PLEKHA5: variants seen among roughly 807,000 people sequenced by gnomAD.
PLEKHA5 encodes the protein pleckstrin homology domain containing A5.
PLEKHA5 carries 55 observed loss-of-function variants against 181.9 expected under a neutral mutation model. The observed-to-expected ratio is 0.30, with a 90% confidence interval of 0.24 to 0.38. PLEKHA5 has a LOEUF of 0.38. PLEKHA5 is among the 10% of genes least tolerant of loss of function. The probability of loss-of-function intolerance (pLI) is 1.00; values close to 1 mark genes in which losing one functional copy is unlikely to be tolerated. For synonymous variants in PLEKHA5, 535 were observed against 529.4 expected, an observed-to-expected ratio of 1.01 and a Z score of -0.15; for missense variants, 1,432 against 1,549.5, an observed-to-expected ratio of 0.92 and a Z score of 1.27.
rs7314693 is a variant in PLEKHA5, at chr12:19,277,541, C to G, written c.1313+2558C>G. On this transcript the variant is annotated intron_variant, in intron 11 of 31. Transcript: ENST00000429027. ...GGTTCCTCCTACATTTTTGGGTTAA[C>G]TGTTATGCCAGTTTTTATAAATACT... Among the ~76,000 whole-genome samples the G allele has an allele frequency of 2.6e-3, 403 of 152,194 alleles. 2 individuals are homozygous for G. Among genetic ancestry groups the G allele is most frequent in the African/African-American group, 9.4e-3 (389 of 41,548 alleles).
chr12:19,369,686 GT>G lies in PLEKHA5; in HGVS notation c.3755-3del. 6.3e-7 allele frequency: 1 copy of G among 1,580,508 alleles called. No individual in the cohort carries two copies. The highest frequency in any genetic ancestry group is 1.1e-5 in the South Asian group (1 of 88,062). On this transcript the variant is annotated splice_region_variant and splice_polypyrimidine_tract_variant and intron_variant, in intron 30 of 31. Transcript: ENST00000429027. ...TTATCTTCTCCCATTTTCTTTGTGT[GT>G]TTTAGTGAAAAGTCTGTCCCCATCT...
intron 3 of PLEKHA5, among the ~76,000 whole-genome samples, chr12:19,227,805 G>A (rs1492128): frequency 0.01 from 1,578 of 152,298 alleles, 29 homozygotes; most frequent in African/African-American, 0.035. Context: ...AGCAGTTGTT[G>A]AAGGTTAACC....
chr12:19,168,716 A>G (rs2045173193), intron 3 of PLEKHA5, among the ~76,000 whole-genome samples: 1 of 152,124 alleles, frequency 6.6e-6, no homozygotes, highest in Non-Finnish European at 1.5e-5. Flanking sequence ...GGGCTCTTCA[A>G]ATGAGTGTAA....
chr12:19,229,825 T>G (rs2060216965), intron 3 of PLEKHA5, among the ~76,000 whole-genome samples: 2 of 152,174 alleles, frequency 1.3e-5, no homozygotes, highest in African/African-American at 4.8e-5. Context: ...TTGGTCCGTT[T>G]TGACAGGGTG....
At chr12:19,367,651 C>G (rs1457343086) in intron 30 of PLEKHA5, among the ~76,000 whole-genome samples, 1 of 151,952 alleles carries the variant, frequency 6.6e-6, no homozygotes, top group Non-Finnish European at 1.5e-5. Flanking sequence ...GCGATCTCCA[C>G]TCACTGCAAG....
chr12:19,321,535 T>TTG (rs2090839266), intron 18 of PLEKHA5: 2 of 71,218 alleles, frequency 2.8e-5, no homozygotes, highest in Admixed American at 1.4e-4. Flanking sequence ...AGCTAACTTT[T>TTG]TGTATTTTTT....
At chr12:19,360,085 A>G (rs1422637057) in intron 28 of PLEKHA5, among the ~76,000 whole-genome samples, 3 of 152,118 alleles carry the variant, frequency 2.0e-5, no homozygotes, top group African/African-American at 4.8e-5. Flanking sequence ...TAATCCCAGC[A>G]CTTTGAGAAG....
At position 19,356,662 on chromosome 12, in the gene PLEKHA5, CTTTTTT is replaced by C. The variant is rs57809332; in HGVS notation, c.3139-1549_3139-1544del. Among the ~76,000 whole-genome samples the C allele has an allele frequency of 2.3e-4, 23 of 99,840 alleles. No homozygotes were observed. In the East Asian group the frequency reaches 6.5e-3, roughly 28 times the overall value. 65.5% of individuals were successfully genotyped at this position (99,840 alleles called of 152,430 possible). A position where few individuals can be genotyped will look rare whatever the true frequency, so the allele number is the denominator to read the frequency against. The stretch of plus-strand genomic sequence containing the variant: ...GGTGGAAGAAGAGGAAGTTGTTTTT[CTTTTTT>C]TTTTTTTTTTTTTTTTGAGACAGAG... On this transcript the variant is annotated intron_variant, in intron 26 of 31. Coordinates refer to ENST00000429027, the MANE Select transcript of PLEKHA5 (RefSeq NM_001256470.2).
intron 3 of PLEKHA5, among the ~76,000 whole-genome samples, chr12:19,160,156 T>C (rs1414755451): frequency 2.6e-5 from 4 of 152,122 alleles, no homozygotes; most frequent in Non-Finnish European, 5.9e-5. Context: ...TATGTTTTAG[T>C]TTTTTCTTTT....
chr12:19,160,694 A>G (rs553039245), intron 3 of PLEKHA5, among the ~76,000 whole-genome samples: 5 of 152,134 alleles, frequency 3.3e-5, no homozygotes, highest in African/African-American at 1.2e-4. Context: ...TAGAAAAGCT[A>G]TATGTATTGA....
At chr12:19,274,433 TATA>T (rs1250919837) in intron 10 of PLEKHA5, 80 bp from the exon 11 acceptor site, 3 of 949,758 alleles carry the variant, frequency 3.2e-6, no homozygotes, top group Admixed American at 2.7e-5. Context: ...CCCCGTAAAG[TATA>T]ATTTTTCCTA....
intron 30 of PLEKHA5, among the ~76,000 whole-genome samples, chr12:19,367,258 C>CTTTTTTTTTTTTTTTTTTTTTTTT (rs376634416): frequency 1.4e-5 from 1 of 72,004 alleles, no homozygotes; most frequent in Non-Finnish European, 2.5e-5. Flanking sequence ...TTTGCTTCTT[C>CTTTTTTTTTTTTTTTTTTTTTTTT]TTTTTTTTTT....
intron 15 of PLEKHA5, among the ~76,000 whole-genome samples, chr12:19,298,154 G>T (rs983850751): frequency 6.6e-6 from 1 of 151,942 alleles, no homozygotes; most frequent in African/African-American, 2.4e-5. Flanking sequence ...AACCGAGATC[G>T]CACCACTGCA....
At chr12:19,360,489 C>G (rs1398678434) in intron 28 of PLEKHA5, among the ~76,000 whole-genome samples, 2 of 151,408 alleles carry the variant, frequency 1.3e-5, no homozygotes, top group Non-Finnish European at 2.9e-5. Context: ...TGCCTGTAAT[C>G]ACTACTTGGG....
rs543323965 is a variant in PLEKHA5 at position 19,270,007 on chromosome 12, C to G, written c.827+122C>G. 4.6e-6 allele frequency: 3 copies of G among 654,582 alleles called. No homozygotes were observed. The East Asian group carries it at 8.5e-5, about 19-fold the overall frequency. The allele number at this position is 654,582 out of a possible 1,614,324, so 40.5% of individuals were successfully genotyped here. ...TCATGGTATGAAATCATTTTTTCCTCAGAAAGCAAGGATCAATTCCTGTTC... is the reference window on the plus strand; with the variant it reads ...TCATGGTATGAAATCATTTTTTCCTGAGAAAGCAAGGATCAATTCCTGTTC... On this transcript the variant is annotated intron_variant, in intron 9 of 31. Coordinates refer to ENST00000429027, the MANE Select transcript of PLEKHA5 (RefSeq NM_001256470.2).
At chr12:19,141,908 A>G (rs959350397) in intron 3 of PLEKHA5, among the ~76,000 whole-genome samples, 2 of 152,210 alleles carry the variant, frequency 1.3e-5, no homozygotes, top group African/African-American at 4.8e-5. Context: ...CTTGCTTGCT[A>G]TGATGCTGTC....
chr12:19,192,639 G>A (rs12313792), intron 3 of PLEKHA5, among the ~76,000 whole-genome samples: 1 of 152,212 alleles, frequency 6.6e-6, no homozygotes, highest in Non-Finnish European at 1.5e-5. Context: ...GGAGGTGGAA[G>A]CGGTTTCATT....
At chr12:19,302,500 A>G (rs1313150192) in intron 15 of PLEKHA5, among the ~76,000 whole-genome samples, 1 of 152,170 alleles carries the variant, frequency 6.6e-6, no homozygotes, top group Non-Finnish European at 1.5e-5. Flanking sequence ...GGTTCAAGTG[A>G]TTCTCCTGAC....
intron 21 of PLEKHA5, among the ~76,000 whole-genome samples, chr12:19,340,785 A>T (rs1333599477): frequency 6.7e-6 from 1 of 149,796 alleles, no homozygotes; most frequent in African/African-American, 2.4e-5. Flanking sequence ...ACCACTCCCT[A>T]ATCTCAAGTA....
Sources: allele counts gnomAD v4.1 joint callset (sites outside exome capture counted in the v4.1 genomes callset), GRCh38; gene constraint gnomAD v4.1.1; transcripts MANE v1.5; gene names NCBI Gene and HGNC (gene_info 2026-07-23, HGNC 2026-07-21).